The following ARHGAP32 variants were observed in gnomAD, a reference collection of about 807,000 sequenced individuals.
ARHGAP32 encodes rho GTPase-activating protein 32.
In ARHGAP32, 51 loss-of-function variants were observed where a neutral mutation model predicts 186.5. The ratio of observed to expected loss-of-function variants is 0.27; its 90% CI spans 0.22 to 0.35. The LOEUF is 0.35. Among genes scored for constraint, ARHGAP32 ranks in the 10% least tolerant of loss-of-function variants. The pLI, the probability that ARHGAP32 is intolerant of heterozygous loss-of-function variation, is 1.00. For missense variants in ARHGAP32, 2,186 were observed against 2,623.5 expected (o/e 0.83, Z 3.64); for synonymous variants, 950 against 964.3 (o/e 0.99, Z 0.27).
chr11:129,039,235 T>C (rs1939490953), intron 11 of ARHGAP32, among the ~76,000 whole-genome samples: 1 of 152,184 alleles, frequency 6.6e-6, no homozygotes, highest in Non-Finnish European at 1.5e-5. Context: ...ATCCCACACC[T>C]GGACATATAC....
chr11:129,208,496 A>G (rs1466840495), intron 1 of ARHGAP32, among the ~76,000 whole-genome samples: 2 of 152,208 alleles, frequency 1.3e-5, no homozygotes, highest in Non-Finnish European at 1.5e-5. Flanking sequence ...GAACCTTCAG[A>G]TCAAACAACA....
intron 1 of ARHGAP32, among the ~76,000 whole-genome samples, chr11:129,270,176 C>G (rs891378639): frequency 1.3e-5 from 2 of 151,978 alleles, no homozygotes; most frequent in Non-Finnish European, 2.9e-5. Flanking sequence ...TGGAATATTA[C>G]TCAGCAATAA....
chr11:129,145,205 T>C (rs1176823363), intron 2 of ARHGAP32, among the ~76,000 whole-genome samples: 3 of 152,236 alleles, frequency 2.0e-5, no homozygotes, highest in East Asian at 1.9e-4. Context: ...TACTTTATTA[T>C]GGTAAGTTAT....
In ARHGAP32 at chr11:128,995,118, C is replaced by T. The variant is rs148420382; in HGVS notation, c.1195+3201G>A. 1.2e-3 allele frequency among the ~76,000 whole-genome samples: 187 copies of T among 152,218 alleles called. 2 individuals carry two copies. The East Asian group carries it at 0.031, about 25-fold the overall frequency. On this transcript the variant is annotated intron_variant, in intron 12 of 22. Coordinates refer to ENST00000682385, the MANE Select transcript of ARHGAP32 (RefSeq NM_001378024.1). ...TCTAATACTTTAATTATATTCATTT[C>T]TCATATCACCTAAGTATCCAGACTT...
chr11:129,057,432 C>G (rs1010284708), intron 10 of ARHGAP32, among the ~76,000 whole-genome samples: 3 of 152,104 alleles, frequency 2.0e-5, no homozygotes, highest in Admixed American at 6.5e-5. Flanking sequence ...GGTGGCTCAA[C>G]CAGCTTCTCC....
At chr11:129,243,260 C>T (rs557997784) in intron 1 of ARHGAP32, among the ~76,000 whole-genome samples, 4 of 152,298 alleles carry the variant, frequency 2.6e-5, no homozygotes, top group African/African-American at 9.6e-5. Context: ...CCACCTCTCC[C>T]TTACTCCATA....
chr11:129,071,702 C>A (rs1054286622), intron 6 of ARHGAP32, among the ~76,000 whole-genome samples: 1 of 151,982 alleles, frequency 6.6e-6, no homozygotes, highest in East Asian at 1.9e-4. Context: ...CTCAATAATC[C>A]CACATCTAGA....
intron 1 of ARHGAP32, among the ~76,000 whole-genome samples, chr11:129,252,677 A>T (rs182768730): frequency 6.6e-6 from 1 of 152,320 alleles, no homozygotes; most frequent in Admixed American, 6.5e-5. Flanking sequence ...AAGCAAGAAT[A>T]TACTGCCATA....
chr11:129,269,660 G>A lies in ARHGAP32; in HGVS notation c.-5+9486C>T, dbSNP rs1007435301. Among the ~76,000 whole-genome samples the A allele has an allele frequency of 5.3e-5, 8 of 152,178 alleles. No individual in the cohort carries two copies. The East Asian group carries it at 9.7e-4, about 18-fold the overall frequency. ...GAGGATCACCTGAGCCCAGGAGTTC[G>A]AGGTTACAACGAGCTATGATCACTC... On this transcript the variant is annotated intron_variant, in intron 1 of 6. Transcript: ENST00000525234.
At chr11:129,081,282 T>C (rs538407240) in intron 6 of ARHGAP32, among the ~76,000 whole-genome samples, 1 of 151,902 alleles carries the variant, frequency 6.6e-6, no homozygotes, top group Non-Finnish European at 1.5e-5. Flanking sequence ...ATCACTCTAA[T>C]ACCAAAACTA....
chr11:129,272,129 A>G (rs1945480999), intron 1 of ARHGAP32, among the ~76,000 whole-genome samples: 1 of 152,224 alleles, frequency 6.6e-6, no homozygotes, highest in African/African-American at 2.4e-5. Flanking sequence ...AAGGAAACAA[A>G]AAAAGGACAA....
rs544080957 is a variant in ARHGAP32 at position 129,192,171 on chromosome 11, A to G, written c.28T>C (p.Leu10=). The G allele has an allele frequency of 9.0e-5, 146 of 1,613,696 alleles. 3 individuals are homozygous for G. The South Asian group carries it at 1.5e-3, about 17-fold the overall frequency. The change falls in exon 1 of 23, where the codon TTA becomes CTA. Residue 10 remains leucine (L), a synonymous_variant. Transcript: ENST00000682385. The part of the protein sequence containing the change: METESESST[L]GDDSVFWLES... Reference sequence around the variant, plus strand: ...AACCAGAAGACACTGTCATCCCCTAAAGTGCTACTCTCACTTTCAGTCTCC... The same window carrying G: ...AACCAGAAGACACTGTCATCCCCTAGAGTGCTACTCTCACTTTCAGTCTCC...
chr11:129,066,269 A>G (rs1940685839), intron 7 of ARHGAP32, among the ~76,000 whole-genome samples: 1 of 152,010 alleles, frequency 6.6e-6, no homozygotes, highest in African/African-American at 2.4e-5. Context: ...TTTGATTCCC[A>G]ATGGTACTTT....
intron 15 of ARHGAP32, 47 bp from the exon 16 acceptor site, chr11:128,981,983 A>G: frequency 8.3e-7 from 1 of 1,198,560 alleles, no homozygotes. Flanking sequence ...ATGATGCAGC[A>G]GTATAGAACA....
chr11:129,205,867 C>G (rs1944508711), intron 1 of ARHGAP32, among the ~76,000 whole-genome samples: 1 of 152,070 alleles, frequency 6.6e-6, no homozygotes. Context: ...TTAGTATGTA[C>G]TCAAATATCA....
chr11:129,235,358 T>C (rs1944914817), intron 1 of ARHGAP32, among the ~76,000 whole-genome samples: 1 of 152,036 alleles, frequency 6.6e-6, no homozygotes, highest in African/African-American at 2.4e-5. Flanking sequence ...TCACATTTAC[T>C]GGGCTCCTCC....
Position 128,981,668 on chromosome 11 carries a change from T to C in ARHGAP32, c.1635-107A>G, listed in dbSNP as rs1324237797. The stretch of plus-strand genomic sequence containing the variant: ...ACAAACAGAGGAAGAAATCATACTT[T>C]TACTGTCCCTTAGCTAAGGCCCAGT... On this transcript the variant is annotated intron_variant, in intron 16 of 22. Coordinates refer to ENST00000682385, the MANE Select transcript of ARHGAP32 (RefSeq NM_001378024.1). 22 of 1,300,012 alleles carry C rather than the reference T, an allele frequency of 1.7e-5. No homozygotes were observed. In the East Asian group the frequency reaches 3.8e-4, roughly 23 times the overall value. The allele number at this position is 1,300,012 out of a possible 1,614,324, so 80.5% of individuals were successfully genotyped here. A position where few individuals can be genotyped will look rare whatever the true frequency, so the allele number is the denominator to read the frequency against.
intron 1 of ARHGAP32, among the ~76,000 whole-genome samples, chr11:129,186,977 T>C (rs1565461447): frequency 6.6e-6 from 1 of 152,032 alleles, no homozygotes; most frequent in Non-Finnish European, 1.5e-5. Flanking sequence ...AAACTAAAAA[T>C]AGAGCTACCA....
chr11:129,267,911 C>T (rs1354081979), intron 1 of ARHGAP32, among the ~76,000 whole-genome samples: 1 of 152,046 alleles, frequency 6.6e-6, no homozygotes, highest in Non-Finnish European at 1.5e-5. Context: ...TTTTCCACAA[C>T]CAGCTCTCTG....
Sources: gnomAD v4.1 joint callset for allele counts (sites outside exome capture counted in the v4.1 genomes callset) on GRCh38, gnomAD v4.1.1 for gene constraint, MANE v1.5 for transcripts, NCBI Gene and HGNC (gene_info 2026-07-23, HGNC 2026-07-21) for gene names.